The following CPNE4 variants were observed in gnomAD, a reference collection of about 807,000 sequenced individuals.
CPNE4 encodes the protein copine 4, also known as copine-4.
A neutral mutation model predicts 67.9 loss-of-function variants in CPNE4; 25 were observed. The observed-to-expected ratio is 0.37, with a 90% CI of 0.27 to 0.51. CPNE4 has a LOEUF of 0.51. CPNE4 is among the 20% of genes least tolerant of loss of function. The pLI, the probability that CPNE4 is intolerant of heterozygous loss-of-function variation, is 0.93. For synonymous variants in CPNE4, 242 were observed against 244.9 expected (o/e 0.99, Z 0.11); for missense variants, 464 against 690.8 (o/e 0.67, Z 3.68).
intron 2 of CPNE4, among the ~76,000 whole-genome samples, chr3:131,856,221 C>T (rs1231439593): frequency 6.6e-6 from 1 of 151,790 alleles, no homozygotes; most frequent in African/African-American, 2.4e-5. Flanking sequence ...CCTAGAAAAA[C>T]ATAAACGTGT....
chr3:131,542,313 G>GATA (rs1489323934), intron 15 of CPNE4, among the ~76,000 whole-genome samples: 1 of 152,076 alleles, frequency 6.6e-6, no homozygotes, highest in Non-Finnish European at 1.5e-5. Flanking sequence ...CTCCTGATCT[G>GATA]TAACTCAATT....
intron 1 of CPNE4, among the ~76,000 whole-genome samples, chr3:131,996,491 T>TA (rs11454905): frequency 0.81 from 112,999 of 138,976 alleles, 44,075 homozygotes; most frequent in South Asian, 0.9. Context: ...GAGAAAATAA[T>TA]AAAAAAAAGA....
chr3:131,766,772 G>A (rs1024236825), intron 2 of CPNE4, among the ~76,000 whole-genome samples: 3 of 151,992 alleles, frequency 2.0e-5, no homozygotes, highest in Non-Finnish European at 4.4e-5. Flanking sequence ...TAATGAAATC[G>A]CAAGTCACAT....
intron 2 of CPNE4, among the ~76,000 whole-genome samples, chr3:131,841,262 A>G (rs2085771775): frequency 6.6e-6 from 1 of 152,218 alleles, no homozygotes; most frequent in Non-Finnish European, 1.5e-5. Flanking sequence ...CATGAGGCAA[A>G]TAGATTTCTA....
chr3:131,538,792 T>A (rs1935318533), intron 15 of CPNE4: 1 of 152,080 alleles, frequency 6.6e-6, no homozygotes, highest in African/African-American at 2.4e-5. Context: ...TAAAAGAGAG[T>A]CTGCCCCTTG....
At chr3:131,821,644 T>C (rs1037935456) in intron 2 of CPNE4, among the ~76,000 whole-genome samples, 21 of 152,250 alleles carry the variant, frequency 1.4e-4, no homozygotes, top group African/African-American at 4.6e-4. Flanking sequence ...CTACACAAAC[T>C]GGGGAGTAAT....
At chr3:131,690,625 C>T (rs968925744) in intron 5 of CPNE4, among the ~76,000 whole-genome samples, 9 of 151,990 alleles carry the variant, frequency 5.9e-5, no homozygotes, top group Middle Eastern at 3.4e-3. Context: ...TGGATGTTGG[C>T]CTTGGCAAAG....
chr3:131,863,344 A>G (rs536094360), intron 2 of CPNE4, among the ~76,000 whole-genome samples: 50 of 152,160 alleles, frequency 3.3e-4, no homozygotes, highest in African/African-American at 1.1e-3. Flanking sequence ...AAGTGTTCCT[A>G]TTTCTCCACA....
chr3:131,957,826 G>A (rs775905823), intron 1 of CPNE4, among the ~76,000 whole-genome samples: 1 of 152,222 alleles, frequency 6.6e-6, no homozygotes, highest in Non-Finnish European at 1.5e-5. Flanking sequence ...TGAACGAGAC[G>A]CAGAATAGCT....
intron 2 of CPNE4, among the ~76,000 whole-genome samples, chr3:131,744,652 C>CA (rs1171596489): frequency 6.6e-6 from 1 of 152,170 alleles, no homozygotes; most frequent in Middle Eastern, 3.2e-3. Flanking sequence ...ATCATTTTGT[C>CA]AATTCAAGAA....
chr3:131,565,665 C>T lies in CPNE4; in HGVS notation c.928-1316G>A, dbSNP rs1343972530. ...TTTTTTCTTTTCTTTCATGAAATTA[C>T]GTGTTCATCTGTGTTATGTTTTTCT... is the stretch of plus-strand genomic sequence containing the variant. On this transcript the variant is annotated intron_variant, in intron 10 of 15. Transcript: ENST00000429747. Among the ~76,000 whole-genome samples, 5 of 151,954 alleles carry T rather than the reference C, an allele frequency of 3.3e-5. No individual in the cohort carries two copies. In the East Asian group the frequency reaches 5.8e-4, roughly 18 times the overall value.
chr3:131,559,675 A>G (rs1195858842), intron 11 of CPNE4, among the ~76,000 whole-genome samples: 2 of 152,030 alleles, frequency 1.3e-5, no homozygotes, highest in Non-Finnish European at 2.9e-5. Context: ...TTTCAAACCA[A>G]TTTTATTAAG....
intron 9 of CPNE4, among the ~76,000 whole-genome samples, chr3:131,578,232 T>C (rs1937600104): frequency 6.6e-6 from 1 of 152,196 alleles, no homozygotes; most frequent in Non-Finnish European, 1.5e-5. Context: ...AACTTTTTCA[T>C]TATTATTGTA....
intron 6 of CPNE4, among the ~76,000 whole-genome samples, chr3:131,674,503 G>C (rs1289070728): frequency 6.6e-6 from 1 of 151,870 alleles, no homozygotes. Context: ...CTTGTTATTT[G>C]ATATTGATCT....
chr3:132,032,588 T>C (rs2074259755), intron 1 of CPNE4, among the ~76,000 whole-genome samples: 1 of 152,236 alleles, frequency 6.6e-6, no homozygotes, highest in Non-Finnish European at 1.5e-5. Context: ...TTTATTAGTA[T>C]GCACTATTAA....
chr3:131,973,050 C>T (rs1038194573), intron 1 of CPNE4, among the ~76,000 whole-genome samples: 7 of 152,148 alleles, frequency 4.6e-5, no homozygotes, highest in African/African-American at 1.7e-4. Context: ...CCTTAACTCA[C>T]CTTTTTGGCC....
At chr3:131,622,199 C>A (rs919492979) in intron 7 of CPNE4, among the ~76,000 whole-genome samples, 1 of 152,090 alleles carries the variant, frequency 6.6e-6, no homozygotes, top group Non-Finnish European at 1.5e-5. Context: ...GGATAGACCA[C>A]TGGCTGTGGT....
chr3:132,038,387 T>C (rs2074369494), upstream of CPNE4, among the ~76,000 whole-genome samples: 1 of 129,704 alleles, frequency 7.7e-6, no homozygotes, highest in Non-Finnish European at 1.7e-5. Context: ...TAACATTGGG[T>C]AACAACCTGT....
intron 7 of CPNE4, among the ~76,000 whole-genome samples, chr3:131,657,532 ATTTTTTT>A (rs55842033): frequency 1.7e-5 from 2 of 120,204 alleles, no homozygotes; most frequent in African/African-American, 3.3e-5. Flanking sequence ...AATTATCTGT[ATTTTTTT>A]TTTTTTTTTT....
Sources: gnomAD v4.1 joint callset for allele counts (sites outside exome capture counted in the v4.1 genomes callset) on GRCh38, gnomAD v4.1.1 for gene constraint, MANE v1.5 for transcripts, NCBI Gene and HGNC (gene_info 2026-07-23, HGNC 2026-07-21) for gene names.